CLBA1: variants seen among roughly 807,000 people sequenced by gnomAD.
CLBA1 encodes the protein uncharacterized protein CLBA1.
CLBA1 carries 30 observed loss-of-function variants against 28.8 expected under a neutral mutation model. The observed-to-expected ratio is 1.04, with a 90% CI of 0.78 to 1.41. CLBA1 has a LOEUF of 1.41. CLBA1 is among the 40% of genes most tolerant of loss of function. CLBA1 has a pLI of 0.00. For synonymous variants in CLBA1, 160 were observed against 152.8 expected, an observed-to-expected ratio of 1.05 and a Z score of -0.35; for missense variants, 451 against 412.3, an observed-to-expected ratio of 1.09 and a Z score of -0.81.
intron 1 of CLBA1, among the ~76,000 whole-genome samples, chr14:104,988,248 T>C (rs1339695719): frequency 2.0e-5 from 3 of 151,846 alleles, no homozygotes; most frequent in African/African-American, 7.3e-5. Context: ...CAGACCACCC[T>C]CCTCCTACCC....
Position 104,993,706 on chromosome 14 carries a change from G to A in CLBA1, c.816+642G>A, listed in dbSNP as rs974797617. ...ACCCTCAGACCAAGTATTGCAGGAG[G>A]GGTGAGATGGCCAGGCCTAGCTCAC... On this transcript the variant is annotated intron_variant, in intron 4 of 4. Transcript: ENST00000547315. 46 of 985,340 alleles carry A rather than the reference G, an allele frequency of 4.7e-5. No homozygotes were observed. The African/African-American group carries it at 7.5e-4, about 16-fold the overall frequency. 61.0% of individuals were successfully genotyped at this position (985,340 alleles called of 1,614,324 possible).
chr14:104,992,113 A>T (rs1237730963), intron 3 of CLBA1, among the ~76,000 whole-genome samples: 1 of 138,714 alleles, frequency 7.2e-6, no homozygotes, highest in Non-Finnish European at 1.5e-5. Flanking sequence ...ACATGCCGCC[A>T]TGCACACGCC....
chr14:104,999,812 T>G (rs1900232089), downstream of CLBA1, among the ~76,000 whole-genome samples: 2 of 152,176 alleles, frequency 1.3e-5, no homozygotes, highest in African/African-American at 4.8e-5. Context: ...AGAAGGAAAT[T>G]TATAGCTTTA....
chr14:104,992,298 C>A (rs554404239), intron 3 of CLBA1, among the ~76,000 whole-genome samples: 2 of 152,242 alleles, frequency 1.3e-5, no homozygotes, highest in African/African-American at 4.8e-5. Context: ...CTGCCGTGCA[C>A]GTGCTCAAGC....
chr14:104,986,414 T>C lies in CLBA1; in HGVS notation c.-18T>C, dbSNP rs1311238885. ...GAGCAGCTGCCCATCGGGCCTCTGCTGGCCTGGGGGCTCCAAGATGCAAGG... is the reference window on the plus strand; with the variant it reads ...GAGCAGCTGCCCATCGGGCCTCTGCCGGCCTGGGGGCTCCAAGATGCAAGG... On this transcript the variant is annotated 5_prime_UTR_variant, in exon 1 of 5. Coordinates refer to ENST00000547315, the MANE Select transcript of CLBA1 (RefSeq NM_174891.4). 1 of 1,608,862 alleles carries C rather than the reference T, an allele frequency of 6.2e-7. No individual in the cohort carries two copies. The highest frequency in any genetic ancestry group is 8.5e-7 in the Non-Finnish European group (1 of 1,178,708).
rs869117577 is a variant in CLBA1, at chr14:104,987,606, C to CTTTTTTTTTTTTT, written c.423+771_423+783dup. Among the ~76,000 whole-genome samples, 12 of 59,984 alleles carry CTTTTTTTTTTTTT rather than the reference C, an allele frequency of 2.0e-4. 4 individuals carry two copies. The South Asian group carries it at 3.6e-3, about 18-fold the overall frequency. 39.4% of individuals were successfully genotyped at this position (59,984 alleles called of 152,430 possible). ...GGCTGGCCTGTTTTCTCTTCCTTTT[C>CTTTTTTTTTTTTT]TTTTTTTTTTTTTTTTTTTTTTTTT... On this transcript the variant is annotated intron_variant, in intron 1 of 4. Transcript: ENST00000547315.
At chr14:104,993,905 T>C in intron 4 of CLBA1, 4 of 985,330 alleles carry the variant, frequency 4.1e-6, no homozygotes, top group Non-Finnish European at 4.8e-6. Context: ...AACAAGGACC[T>C]GAGACTGAGC....
Position 104,986,027 on chromosome 14 carries a change from C to T in CLBA1, c.-405C>T, listed in dbSNP as rs549168601. The stretch of plus-strand genomic sequence containing the variant: ...CCCGGGGCGCCGCACCCACTCCTTC[C>T]CACTTGGGACTCCCGCGGGCGCCCG... On this transcript the variant is annotated 5_prime_UTR_variant, in exon 1 of 5. Transcript: ENST00000547315. 24 of 249,210 alleles carry T rather than the reference C, an allele frequency of 9.6e-5. No homozygotes were observed. The South Asian group carries it at 1.1e-3, about 11-fold the overall frequency. The allele number at this position is 249,210 out of a possible 1,614,324, so 15.4% of individuals were successfully genotyped here.
chr14:104,995,115 G>A lies in CLBA1; in HGVS notation c.*356G>A. 1.0e-6 allele frequency: 1 copy of A among 1,001,076 alleles called. No individual in the cohort carries two copies. The highest frequency in any genetic ancestry group is 1.2e-6 in the Non-Finnish European group (1 of 840,600). The allele number at this position is 1,001,076 out of a possible 1,614,324, so 62.0% of individuals were successfully genotyped here. A position where few individuals can be genotyped will look rare whatever the true frequency, so the allele number is the denominator to read the frequency against. On this transcript the variant is annotated 3_prime_UTR_variant, in exon 5 of 5. Coordinates refer to ENST00000547315, the MANE Select transcript of CLBA1 (RefSeq NM_174891.4). The stretch of plus-strand genomic sequence containing the variant: ...TTCTGGGCTGCTTAGTCCAGGGGGA[G>A]CAACTTGTGGCCAAATCCATGAGTT...
downstream of CLBA1, among the ~76,000 whole-genome samples, chr14:104,996,411 C>T (rs551076675): frequency 5.3e-5 from 8 of 152,348 alleles, no homozygotes; most frequent in African/African-American, 1.9e-4. Context: ...GCTCCCTGGC[C>T]TCCCTCAGGT....
At chr14:104,987,894 C>G (rs567042593) in intron 1 of CLBA1, among the ~76,000 whole-genome samples, 6 of 152,028 alleles carry the variant, frequency 3.9e-5, no homozygotes, top group Admixed American at 3.3e-4. Context: ...GCCTCGGCCT[C>G]TCAAAGTGCT....
At chr14:104,997,196 A>G (rs998193836), downstream of CLBA1, among the ~76,000 whole-genome samples, 3 of 152,232 alleles carry the variant, frequency 2.0e-5, no homozygotes, top group Non-Finnish European at 4.4e-5. Flanking sequence ...AGTAAAAGAC[A>G]GAATGAAGAT....
rs779624340 is a variant in CLBA1 at position 104,986,594 on chromosome 14, T to A, written c.163T>A (p.Ser55Thr). The change falls in exon 1 of 5, where the codon TCC (serine) becomes ACC (threonine). Residue 55 changes from serine to threonine, a missense_variant. Physicochemically the swap from Ser to Thr is moderately conservative, Grantham distance 58. Coordinates refer to ENST00000547315, the MANE Select transcript of CLBA1 (RefSeq NM_174891.4). ...LLLSDGKASI[S>T]MPREGGSTCT... ...CCTGTCCGATGGGAAAGCCAGCATCTCCATGCCCCGTGAGGGCGGTTCCAC... is the reference window on the plus strand; with the variant it reads ...CCTGTCCGATGGGAAAGCCAGCATCACCATGCCCCGTGAGGGCGGTTCCAC... 1 of 1,614,034 alleles carries A rather than the reference T, an allele frequency of 6.2e-7. No individual in the cohort carries two copies. The highest frequency in any genetic ancestry group is 1.7e-5 in the Admixed American group (1 of 60,022).
At chr14:104,993,448 C>T (rs1900092911) in intron 4 of CLBA1, 1 of 985,430 alleles carries the variant, frequency 1.0e-6, no homozygotes, top group Non-Finnish European at 1.2e-6. Context: ...GCCTGGGCAG[C>T]TGTCGTGAAC....
chr14:104,997,191 AAGAC>A (rs947510501), downstream of CLBA1, among the ~76,000 whole-genome samples: 3 of 152,338 alleles, frequency 2.0e-5, no homozygotes, highest in East Asian at 1.9e-4. Context: ...ACTTCAGTAA[AAGAC>A]AGAATGAAGA....
intron 4 of CLBA1, chr14:104,993,459 G>C (rs1595445248): frequency 1.0e-6 from 1 of 985,390 alleles, no homozygotes; most frequent in South Asian, 4.7e-5. Flanking sequence ...TGTCGTGAAC[G>C]GATCTGACTG....
chr14:104,986,639 G>A lies in CLBA1; in HGVS notation c.208G>A (p.Asp70Asn), dbSNP rs374888860. ...GGSTCTARCP[D>N]PGEHSSTWGE... ...TTCCACCTGCACTGCCCGATGTCCT[G>A]ACCCTGGGGAACACAGCAGCACTTG... The change falls in exon 1 of 5, where the codon GAC becomes AAC. Residue 70 changes from aspartate to asparagine, a missense_variant. Transcript: ENST00000547315. 16 of 1,613,880 alleles carry A rather than the reference G, an allele frequency of 9.9e-6. No homozygotes were observed. The highest frequency in any genetic ancestry group is 1.2e-5 in the Non-Finnish European group (14 of 1,180,016).
intron 4 of CLBA1, chr14:104,994,261 A>T (rs1394078939): frequency 1.1e-5 from 11 of 985,410 alleles, no homozygotes; most frequent in Non-Finnish European, 1.3e-5. Context: ...AAGAGTGGCT[A>T]CTGGAGGGCT....
chr14:104,999,291 G>A (rs1472806350), downstream of CLBA1: 16 of 951,548 alleles, frequency 1.7e-5, no homozygotes, highest in South Asian at 1.5e-4. Flanking sequence ...TCTAGTGGAC[G>A]TGGAGCTCTC....
Sources: gnomAD v4.1 joint callset for allele counts (sites outside exome capture counted in the v4.1 genomes callset) on GRCh38, gnomAD v4.1.1 for gene constraint, MANE v1.5 for transcripts, NCBI Gene and HGNC (gene_info 2026-07-23, HGNC 2026-07-21) for gene names.